Variants in IQCK observed in about 807,000 individuals in gnomAD.
IQCK encodes the protein IQ domain-containing protein K.
A neutral mutation model predicts 28.1 loss-of-function variants in IQCK; 29 were observed. The observed-to-expected ratio is 1.03, with a 90% confidence interval of 0.77 to 1.41. The LOEUF is 1.41. IQCK is among the 40% of genes most tolerant of loss of function. The pLI, the probability that IQCK is intolerant of heterozygous loss-of-function variation, is 0.00. For missense variants in IQCK, 359 were observed against 314.7 expected, an observed-to-expected ratio of 1.14 and a Z score of -1.07; for synonymous variants, 113 against 115.1, an observed-to-expected ratio of 0.98 and a Z score of 0.12.
chr16:19,847,129 G>T (rs1166456092), intron 9 of IQCK, among the ~76,000 whole-genome samples: 2 of 152,162 alleles, frequency 1.3e-5, no homozygotes, highest in Non-Finnish European at 2.9e-5. Context: ...TCCCAGGGTG[G>T]TTGGGAGAAT....
intron 7 of IQCK, among the ~76,000 whole-genome samples, chr16:19,819,788 C>G (rs967351615): frequency 1.1e-4 from 16 of 151,516 alleles, no homozygotes; most frequent in Non-Finnish European, 1.5e-5. Flanking sequence ...CCACGGGGGG[C>G]AGATCACGAG....
chr16:19,736,786 CAG>C (rs1379079643), intron 4 of IQCK, among the ~76,000 whole-genome samples: 2 of 151,990 alleles, frequency 1.3e-5, no homozygotes, highest in Non-Finnish European at 2.9e-5. Context: ...TGGAGGGACA[CAG>C]AGGCCTGAAA....
intron 4 of IQCK, among the ~76,000 whole-genome samples, chr16:19,759,919 GT>G (rs1248087762): frequency 6.6e-6 from 1 of 152,112 alleles, no homozygotes; most frequent in Non-Finnish European, 1.5e-5. Flanking sequence ...GAGCCCAGGA[GT>G]TTGAGACCAG....
intron 9 of IQCK, among the ~76,000 whole-genome samples, chr16:19,840,657 G>C (rs1246540246): frequency 3.9e-5 from 6 of 152,176 alleles, no homozygotes; most frequent in Non-Finnish European, 8.8e-5. Flanking sequence ...AGTAGTTACT[G>C]CTATGGTCTC....
intron 6 of IQCK, among the ~76,000 whole-genome samples, chr16:19,784,999 C>T (rs2055542923): frequency 6.6e-6 from 1 of 152,134 alleles, no homozygotes; most frequent in African/African-American, 2.4e-5. Context: ...GAACCCCTGA[C>T]CTCAGGTGAT....
intron 4 of IQCK, among the ~76,000 whole-genome samples, chr16:19,738,962 C>G (rs1272883723): frequency 3.3e-5 from 5 of 152,150 alleles, no homozygotes; most frequent in African/African-American, 1.2e-4. Flanking sequence ...CGTTAGTCCT[C>G]TCTGGAAGCA....
exon 3 of IQCK, chr16:19,733,826 A>G (rs1567535376): frequency 1.2e-6 from 2 of 1,613,738 alleles, no homozygotes; most frequent in Non-Finnish European, 8.5e-7. Flanking sequence ...ACCCAAAAAC[A>G]TGTGAGTAAG....
chr16:19,847,585 T>C (rs930514372), intron 9 of IQCK, among the ~76,000 whole-genome samples: 7 of 152,204 alleles, frequency 4.6e-5, no homozygotes, highest in African/African-American at 1.7e-4. Flanking sequence ...ATGAACTCCT[T>C]TGTGTCTGGC....
intron 7 of IQCK, among the ~76,000 whole-genome samples, chr16:19,809,811 AGTC>A (rs1481759448): frequency 2.6e-5 from 4 of 152,116 alleles, no homozygotes; most frequent in Non-Finnish European, 1.5e-5. Flanking sequence ...AGAAAACTGG[AGTC>A]AGTAGGAGTG....
rs893226322 is a variant in IQCK, at chr16:19,739,071, C to T, written c.474+3621C>T. 2.6e-4 allele frequency among the ~76,000 whole-genome samples: 40 copies of T among 152,324 alleles called. 1 individual carries two copies. Among genetic ancestry groups the T allele is most frequent in the African/African-American group, 9.1e-4 (38 of 41,582 alleles). ...TGGCTCTCAGCTTGCATGGCCCACT[C>T]AGCAAGGCCAAGCCCAGCATGCAGC... On this transcript the variant is annotated intron_variant, in intron 4 of 7. Coordinates refer to ENST00000564186, the Ensembl canonical transcript of IQCK.
At chr16:19,760,697 G>A (rs2055125499) in intron 4 of IQCK, among the ~76,000 whole-genome samples, 1 of 152,094 alleles carries the variant, frequency 6.6e-6, no homozygotes. Flanking sequence ...TGGGAAAGGG[G>A]TCCTGATCCA....
chr16:19,808,830 G>C (rs975324048), intron 7 of IQCK, among the ~76,000 whole-genome samples: 1 of 152,178 alleles, frequency 6.6e-6, no homozygotes, highest in Non-Finnish European at 1.5e-5. Flanking sequence ...CCTGCCTGGG[G>C]TTAGCACCAG....
intron 7 of IQCK, among the ~76,000 whole-genome samples, chr16:19,821,872 G>C (rs2056076086): frequency 6.6e-6 from 1 of 151,926 alleles, no homozygotes; most frequent in Non-Finnish European, 1.5e-5. Flanking sequence ...CCAGGAGTTT[G>C]AGACCAGCCT....
intron 4 of IQCK, among the ~76,000 whole-genome samples, chr16:19,738,597 A>G (rs564560401): frequency 1.4e-4 from 21 of 152,310 alleles, no homozygotes; most frequent in Non-Finnish European, 2.2e-4. Flanking sequence ...CTTCCATGTA[A>G]AATGAGGCTG....
intron 6 of IQCK, among the ~76,000 whole-genome samples, chr16:19,779,526 A>ACC: frequency 6.6e-6 from 1 of 152,052 alleles, no homozygotes; most frequent in Non-Finnish European, 1.5e-5. Context: ...TTTCCCACTA[A>ACC]CCACCACACT....
chr16:19,745,186 G>A (rs1295167187), intron 4 of IQCK, among the ~76,000 whole-genome samples: 1 of 152,178 alleles, frequency 6.6e-6, no homozygotes, highest in Non-Finnish European at 1.5e-5. Flanking sequence ...TGACCCTGCT[G>A]CATCGTCTAG....
intron 7 of IQCK, chr16:19,819,405 A>G (rs1336591995): frequency 6.6e-6 from 1 of 152,058 alleles, no homozygotes; most frequent in African/African-American, 2.4e-5. Flanking sequence ...AACCAGGAGA[A>G]TTGCTTGAAT....
At chr16:19,734,620 A>G (rs1222141715) in intron 3 of IQCK, among the ~76,000 whole-genome samples, 1 of 148,006 alleles carries the variant, frequency 6.8e-6, no homozygotes, top group Non-Finnish European at 1.5e-5. Flanking sequence ...CAGAGCGAGA[A>G]AAAAAAAAAA....
In IQCK at chr16:19,833,252, G is replaced by T. The variant is rs143092756; in HGVS notation, c.802+6115G>T. Among the ~76,000 whole-genome samples the T allele has an allele frequency of 1.6e-4, 25 of 152,218 alleles. 1 individual carries two copies. The East Asian group carries it at 4.6e-3, about 28-fold the overall frequency. ...TTTGTACCCTTTGACCAACATAGAA[G>T]TTTCTTAGGAAAACCTGCCAAAGTA... On this transcript the variant is annotated intron_variant, in intron 9 of 9. Transcript: ENST00000320394.
Sources: gnomAD v4.1 joint callset for allele counts (sites outside exome capture counted in the v4.1 genomes callset) on GRCh38, gnomAD v4.1.1 for gene constraint, MANE v1.5 for transcripts, NCBI Gene and HGNC (gene_info 2026-07-23, HGNC 2026-07-21) for gene names.